AOPEP: variants seen among roughly 807,000 people sequenced by gnomAD.
AOPEP encodes the protein aminopeptidase O.
Under a neutral mutation model 98.1 loss-of-function variants are expected in AOPEP, and 77 were observed. That is an observed-to-expected ratio of 0.78 (90% CI 0.65 to 0.95). AOPEP has a LOEUF of 0.95. AOPEP is among the 40% of genes least tolerant of loss of function. AOPEP has a pLI of 0.00. For missense variants in AOPEP, 1,024 were observed against 1,024.7 expected (o/e 1.00, Z 0.01); for synonymous variants, 346 against 365.3 (o/e 0.95, Z 0.60).
chr9:94,920,768 T>C (rs2053497630), intron 5 of AOPEP, among the ~76,000 whole-genome samples: 1 of 152,160 alleles, frequency 6.6e-6, no homozygotes, highest in African/African-American at 2.4e-5. Context: ...AGGAACAGCC[T>C]TGAGAAAGTG....
intron 5 of AOPEP, among the ~76,000 whole-genome samples, chr9:94,842,763 A>G (rs1256154548): frequency 6.6e-6 from 1 of 152,200 alleles, no homozygotes; most frequent in Non-Finnish European, 1.5e-5. Flanking sequence ...TTCATTTGAC[A>G]ATATCTTTAT....
intron 13 of AOPEP, among the ~76,000 whole-genome samples, chr9:95,044,030 A>G (rs971592421): frequency 7.2e-5 from 11 of 152,318 alleles, no homozygotes; most frequent in African/African-American, 2.6e-4. Context: ...CCTGTCTACA[A>G]GGCCATTGCA....
chr9:94,977,217 T>A lies in AOPEP; in HGVS notation c.1917-2150T>A, dbSNP rs569230210. On this transcript the variant is annotated intron_variant, in intron 10 of 16. Transcript: ENST00000375315. The stretch of plus-strand genomic sequence containing the variant: ...CAAGGCTGCCCAGTGGAAGGCCTAT[T>A]CTTGGTGGGTATGAACGCACTGTCC... Among the ~76,000 whole-genome samples, 2 of 152,138 alleles carry A rather than the reference T, an allele frequency of 1.3e-5. 1 individual carries two copies. The highest frequency in any genetic ancestry group is 4.1e-4 in the South Asian group (2 of 4,820).
the AOPEP span, among the ~76,000 whole-genome samples, chr9:95,142,282 C>T: frequency 2.6e-5 from 4 of 151,884 alleles, no homozygotes; most frequent in Non-Finnish European, 4.4e-5. Flanking sequence ...TGTGAGCCAC[C>T]GTGCCCGGCC....
At chr9:95,041,477 G>GTGTGTGTGTA (rs1246531402) in intron 13 of AOPEP, among the ~76,000 whole-genome samples, 120 of 151,896 alleles carry the variant, frequency 7.9e-4, no homozygotes, top group East Asian at 5.6e-3. Context: ...GTGTGTGTGT[G>GTGTGTGTGTA]TGTGGAGAGG....
chr9:94,806,336 A>T (rs1849255634), intron 5 of AOPEP, among the ~76,000 whole-genome samples: 1 of 152,150 alleles, frequency 6.6e-6, no homozygotes, highest in Non-Finnish European at 1.5e-5. Flanking sequence ...TTTTAAAAAG[A>T]TGTTGAATGG....
intron 5 of AOPEP, among the ~76,000 whole-genome samples, chr9:94,906,851 C>T (rs897584609): frequency 6.6e-6 from 1 of 152,162 alleles, no homozygotes; most frequent in South Asian, 2.1e-4. Context: ...CAGCACTGTC[C>T]ACCTTCTATG....
At chr9:95,085,636 C>A in intron 16 of AOPEP, 1 of 374,022 alleles carries the variant, frequency 2.7e-6, no homozygotes, top group Non-Finnish European at 5.3e-6. Context: ...GAGCGCGATC[C>A]TGGAGGATGA....
chr9:94,863,227 TTCCCC>T (rs1267724557), intron 5 of AOPEP, among the ~76,000 whole-genome samples: 1 of 151,424 alleles, frequency 6.6e-6, no homozygotes, highest in South Asian at 2.1e-4. Flanking sequence ...CTCCCCTCTC[TTCCCC>T]TCCCCTCCCC....
rs545515396 is a variant in AOPEP at position 94,791,219 on chromosome 9, C to T, written c.965-1546C>T. The stretch of plus-strand genomic sequence containing the variant: ...ATGGATGGGGCTGGAGGTCATTATC[C>T]TAAGTGAACTAACACAGCATCAGAA... On this transcript the variant is annotated intron_variant, in intron 3 of 16. Transcript: ENST00000375315. Among the ~76,000 whole-genome samples, 194 of 152,188 alleles carry T rather than the reference C, an allele frequency of 1.3e-3. 3 individuals are homozygous for T. The highest frequency in any genetic ancestry group is 6.8e-3 in the Middle Eastern group (2 of 294).
intron 5 of AOPEP, among the ~76,000 whole-genome samples, chr9:94,805,882 T>C (rs1364154970): frequency 6.6e-6 from 1 of 152,234 alleles, no homozygotes; most frequent in Non-Finnish European, 1.5e-5. Context: ...AACATGCTGG[T>C]ACAAAGGGCC....
chr9:95,084,899 G>T lies in AOPEP; in HGVS notation c.*5-1783G>T, dbSNP rs1443275196. 6.6e-5 allele frequency among the ~76,000 whole-genome samples: 10 copies of T among 152,350 alleles called. No individual in the cohort carries two copies. In the East Asian group the frequency reaches 1.9e-3, roughly 29 times the overall value. ...TCCCAGGGCAGCTAGAATCTGCCTG[G>T]AGAGAAGGGATCTTGTCCCCAAGGG... On this transcript the variant is annotated intron_variant, in intron 16 of 16. Coordinates refer to ENST00000375315, the MANE Select transcript of AOPEP (RefSeq NM_001193329.3).
chr9:95,112,078 G>A, the AOPEP span, among the ~76,000 whole-genome samples: 1 of 152,240 alleles, frequency 6.6e-6, no homozygotes, highest in Non-Finnish European at 1.5e-5. Flanking sequence ...GGATATTTCA[G>A]CAACTACGAA....
chr9:94,943,937 A>AC (rs1564424130), intron 7 of AOPEP, among the ~76,000 whole-genome samples: 3 of 149,866 alleles, frequency 2.0e-5, no homozygotes, highest in African/African-American at 7.5e-5. Flanking sequence ...AAAAAAAAAA[A>AC]AAAAAAAAAA....
chr9:94,909,608 G>T (rs1344179703), intron 5 of AOPEP, among the ~76,000 whole-genome samples: 1 of 152,144 alleles, frequency 6.6e-6, no homozygotes, highest in Non-Finnish European at 1.5e-5. Flanking sequence ...CCAGAGAGAA[G>T]GCATCGCAGT....
the AOPEP span, among the ~76,000 whole-genome samples, chr9:95,092,721 C>T: frequency 1.4e-4 from 22 of 152,294 alleles, no homozygotes; most frequent in African/African-American, 4.8e-4. Flanking sequence ...TGACTCACTG[C>T]CAAGAGTCCT....
chr9:94,996,379 TGTGTGTGTGTGTGA>T (rs773853078), intron 11 of AOPEP, among the ~76,000 whole-genome samples: 5 of 146,422 alleles, frequency 3.4e-5, no homozygotes, highest in South Asian at 2.2e-4. Flanking sequence ...TGTGTGTGTG[TGTGTGTGTGTGTGA>T]GAGAGAGATT....
At chr9:95,057,767 ACAAC>A (rs1470937204) in intron 13 of AOPEP, among the ~76,000 whole-genome samples, 1 of 152,100 alleles carries the variant, frequency 6.6e-6, no homozygotes, top group Non-Finnish European at 1.5e-5. Context: ...TAGAATAGTT[ACAAC>A]TAAAAGCCAG....
intron 1 of AOPEP, among the ~76,000 whole-genome samples, chr9:94,743,565 G>T (rs1833757702): frequency 6.6e-6 from 1 of 152,222 alleles, no homozygotes; most frequent in African/African-American, 2.4e-5. Context: ...ATTGAGCCCA[G>T]CAAGGGAAAG....
Sources: gnomAD v4.1 joint callset for allele counts (sites outside exome capture counted in the v4.1 genomes callset) on GRCh38, gnomAD v4.1.1 for gene constraint, MANE v1.5 for transcripts, NCBI Gene and HGNC (gene_info 2026-07-23, HGNC 2026-07-21) for gene names.